Variants in ZKSCAN7 observed in about 807,000 individuals in gnomAD.
ZKSCAN7 encodes the protein zinc finger protein with KRAB and SCAN domains 7.
Under a neutral mutation model 65.3 loss-of-function variants are expected in ZKSCAN7, and 38 were observed. The ratio of observed to expected loss-of-function variants is 0.58; its 90% CI spans 0.45 to 0.76. The LOEUF (loss-of-function observed/expected upper bound fraction) is 0.76. Ranked by LOEUF, ZKSCAN7 falls within the 30% of genes least tolerant of loss-of-function variation. ZKSCAN7 has a pLI of 0.00. For missense variants in ZKSCAN7, 815 were observed against 913.3 expected, an observed-to-expected ratio of 0.89 and a Z score of 1.39; for synonymous variants, 321 against 321.0, an observed-to-expected ratio of 1.00 and a Z score of 0.00.
rs142898262 is a variant in ZKSCAN7, at chr3:44,564,084, C to T, written c.424-1403C>T. The stretch of plus-strand genomic sequence containing the variant: ...GAAGTTATTTTTACCTCATGCTGTG[C>T]TATGTACATACCAGAGCAAGTGAAC... On this transcript the variant is annotated intron_variant, in intron 2 of 5. Transcript: ENST00000426540. 1.6e-3 allele frequency among the ~76,000 whole-genome samples: 240 copies of T among 152,260 alleles called. 2 individuals are homozygous for T. Among genetic ancestry groups the T allele is most frequent in the African/African-American group, 5.6e-3 (234 of 41,540 alleles).
intron 5 of ZKSCAN7, among the ~76,000 whole-genome samples, chr3:44,582,167 C>G (rs917831255): frequency 2.0e-5 from 3 of 152,182 alleles, no homozygotes; most frequent in Non-Finnish European, 4.4e-5. Context: ...GGTGCTAGTA[C>G]TTGATCCAGG....
chr3:44,557,236 C>G lies in ZKSCAN7; in HGVS notation c.189C>G (p.His63Gln), dbSNP rs757826745. Residue 63 changes from histidine to glutamine, a missense_variant, in exon 2 of 6, where the codon CAC (histidine) becomes CAG (glutamine). Physicochemically the swap from His to Gln is conservative, Grantham distance 24. Coordinates refer to ENST00000426540, the MANE Select transcript of ZKSCAN7 (RefSeq NM_001288590.2). Reference sequence around the variant, plus strand: ...TACACTTCAGGCAATTGTGTTACCACGAGATGTCTGGGCCGCAGGAAGCAT... The same window carrying G: ...TACACTTCAGGCAATTGTGTTACCAGGAGATGTCTGGGCCGCAGGAAGCAT... The part of the protein sequence containing the change: ...FRLHFRQLCY[H>Q]EMSGPQEALS... The G allele has an allele frequency of 3.1e-6, 5 of 1,614,152 alleles. No individual in the cohort carries two copies. Among genetic ancestry groups the G allele is most frequent in the Non-Finnish European group, 4.2e-6 (5 of 1,180,056 alleles).
chr3:44,579,197 C>T (rs1575385328), intron 5 of ZKSCAN7, among the ~76,000 whole-genome samples: 1 of 152,246 alleles, frequency 6.6e-6, no homozygotes. Context: ...CACCTCCATG[C>T]GCAGGGCTGC....
chr3:44,570,004 A>G lies in ZKSCAN7; in HGVS notation c.894A>G (p.Ser298=). Residue 298 remains serine, a synonymous_variant, in exon 6 of 6, where the codon TCA becomes TCG. Transcript: ENST00000426540. ...GATCAGAGTCATCTAACAGGACATC[A>G]GGGGGACTCTTTGGGGTGGTTCCTG... The part of the protein sequence containing the change: ...FKGSESSNRT[S]GGLFGVVPGA... 1.2e-6 allele frequency: 2 copies of G among 1,611,562 alleles called. No individual in the cohort carries two copies. The highest frequency in any genetic ancestry group is 1.7e-5 in the Admixed American group (1 of 59,522).
intron 2 of ZKSCAN7, 50 bp downstream of exon 2, chr3:44,557,520 G>T: frequency 1.9e-6 from 3 of 1,609,978 alleles, no homozygotes; most frequent in Non-Finnish European, 2.5e-6. Flanking sequence ...TAATGCTTGG[G>T]TTAGCCTAGG....
intron 2 of ZKSCAN7, among the ~76,000 whole-genome samples, chr3:44,563,868 C>A (rs1699554615): frequency 6.6e-6 from 1 of 152,210 alleles, no homozygotes; most frequent in African/African-American, 2.4e-5. Flanking sequence ...TATTGAAGAG[C>A]TGTGACTTCC....
chr3:44,556,943 C>T lies in ZKSCAN7; in HGVS notation c.-105C>T. The T allele has an allele frequency of 6.9e-7, 1 of 1,451,910 alleles. No homozygotes were observed. The highest frequency in any genetic ancestry group is 1.4e-5 in the African/African-American group (1 of 70,570). 89.9% of individuals were successfully genotyped at this position (1,451,910 alleles called of 1,614,324 possible). On this transcript the variant is annotated 5_prime_UTR_variant, in exon 2 of 6. Coordinates refer to ENST00000426540, the MANE Select transcript of ZKSCAN7 (RefSeq NM_001288590.2). ...TTGTTTCTGTAGGCCACACTACCAT[C>T]ACCCCTTTCTCCAACCCTGAAAAAC...
At chr3:44,560,424 T>C (rs1163982747) in intron 2 of ZKSCAN7, among the ~76,000 whole-genome samples, 3 of 152,036 alleles carry the variant, frequency 2.0e-5, no homozygotes, top group African/African-American at 7.2e-5. Context: ...TGTGTGCACA[T>C]TGTGGCTGGG....
Position 44,570,883 on chromosome 3 carries a change from C to T in ZKSCAN7, c.1773C>T (p.Asn591=), listed in dbSNP as rs760904660. The change falls in exon 6 of 6, where the codon AAC becomes AAT. Residue 591 remains asparagine (N), a synonymous_variant. Coordinates refer to ENST00000426540, the MANE Select transcript of ZKSCAN7 (RefSeq NM_001288590.2). The part of the protein sequence containing the change: ...CSECGKAFNQ[N]SQLIEHERIH... ...AATGTGGGAAAGCCTTCAATCAGAACTCTCAACTCATTGAGCATGAGCGAA... is the reference window on the plus strand; with the variant it reads ...AATGTGGGAAAGCCTTCAATCAGAATTCTCAACTCATTGAGCATGAGCGAA... 6.2e-7 allele frequency: 1 copy of T among 1,614,082 alleles called. No homozygotes were observed. The highest frequency in any genetic ancestry group is 1.7e-5 in the Admixed American group (1 of 60,026).
rs1389821513 is a variant in ZKSCAN7, at chr3:44,557,805, G to A, written c.423+335G>A. Among the ~76,000 whole-genome samples the A allele has an allele frequency of 2.6e-5, 4 of 152,112 alleles. 1 individual carries two copies. Among genetic ancestry groups the A allele is most frequent in the South Asian group, 4.1e-4 (2 of 4,820 alleles). On this transcript the variant is annotated intron_variant, in intron 2 of 5. Coordinates refer to ENST00000426540, the MANE Select transcript of ZKSCAN7 (RefSeq NM_001288590.2). ...GGGCCTTTGGGTATGCTGATAATACGAGCCTTCATTTGAGACATTCTCTTT... is the reference window on the plus strand; with the variant it reads ...GGGCCTTTGGGTATGCTGATAATACAAGCCTTCATTTGAGACATTCTCTTT...
intron 1 of ZKSCAN7, among the ~76,000 whole-genome samples, chr3:44,555,912 A>G (rs543630088): frequency 5.3e-5 from 8 of 152,314 alleles, no homozygotes; most frequent in Non-Finnish European, 1.0e-4. Flanking sequence ...TCATTTCCCA[A>G]TTATGTGTGC....
At chr3:44,557,505 T>C in intron 2 of ZKSCAN7, 35 bp downstream of exon 2, 1 of 1,612,238 alleles carries the variant, frequency 6.2e-7, no homozygotes. Context: ...GGCCTGATGC[T>C]TCTCTAATGC....
chr3:44,576,709 A>C (rs1440656514), downstream of ZKSCAN7, among the ~76,000 whole-genome samples: 1 of 152,216 alleles, frequency 6.6e-6, no homozygotes. Context: ...CTGAAGCTAA[A>C]AGGTTAGTTG....
At chr3:44,556,233 TA>T (rs1240238098) in intron 1 of ZKSCAN7, among the ~76,000 whole-genome samples, 1 of 152,204 alleles carries the variant, frequency 6.6e-6, no homozygotes, top group African/African-American at 2.4e-5. Context: ...GAGTTGTGCA[TA>T]AACCAGTTAA....
At chr3:44,559,491 A>G (rs1694296598) in intron 2 of ZKSCAN7, among the ~76,000 whole-genome samples, 1 of 152,184 alleles carries the variant, frequency 6.6e-6, no homozygotes, top group Non-Finnish European at 1.5e-5. Context: ...TGGTGGCACA[A>G]TCTTGGTTCA....
At chr3:44,573,094 A>G (rs2125728531), downstream of ZKSCAN7, among the ~76,000 whole-genome samples, 1 of 152,286 alleles carries the variant, frequency 6.6e-6, no homozygotes, top group Admixed American at 6.5e-5. Flanking sequence ...TAATTATCAT[A>G]ATTGTCTTCT....
chr3:44,581,271 G>T (rs1184559790), intron 5 of ZKSCAN7, among the ~76,000 whole-genome samples: 9 of 149,120 alleles, frequency 6.0e-5, no homozygotes, highest in Non-Finnish European at 1.2e-4. Flanking sequence ...CAAGGACGCG[G>T]CCTCGGGCCC....
downstream of ZKSCAN7, among the ~76,000 whole-genome samples, chr3:44,573,303 AT>A (rs1266987244): frequency 6.6e-6 from 1 of 152,212 alleles, no homozygotes; most frequent in Non-Finnish European, 1.5e-5. Context: ...GGTTTAGAGG[AT>A]CCACAGTGTG....
chr3:44,563,844 AC>A (rs1699554116), intron 2 of ZKSCAN7, among the ~76,000 whole-genome samples: 1 of 152,232 alleles, frequency 6.6e-6, no homozygotes, highest in African/African-American at 2.4e-5. Flanking sequence ...TTCTGCCAAT[AC>A]CCAGAGCTCC....
Sources: gnomAD v4.1 joint callset for allele counts (sites outside exome capture counted in the v4.1 genomes callset) on GRCh38, gnomAD v4.1.1 for gene constraint, MANE v1.5 for transcripts, NCBI Gene and HGNC (gene_info 2026-07-23, HGNC 2026-07-21) for gene names.